Variants in AASS observed in about 807,000 individuals in gnomAD.
AASS encodes aminoadipate-semialdehyde synthase.
AASS carries 86 observed loss-of-function variants against 105.4 expected under a neutral mutation model. The observed-to-expected ratio is 0.82, with a 90% CI of 0.69 to 0.98. AASS has a LOEUF of 0.98. Ranked by LOEUF, AASS falls within the 50% of genes least tolerant of loss-of-function variation. AASS has a pLI of 0.00. For missense variants in AASS, 1,048 were observed against 1,143.2 expected, an observed-to-expected ratio of 0.92 and a Z score of 1.20; for synonymous variants, 381 against 394.8, an observed-to-expected ratio of 0.96 and a Z score of 0.41.
At chr7:122,142,617 A>G (rs1796455454) in intron 1 of AASS, among the ~76,000 whole-genome samples, 1 of 152,216 alleles carries the variant, frequency 6.6e-6, no homozygotes, top group Non-Finnish European at 1.5e-5. Context: ...ATGACACCTT[A>G]GATCAGATGA....
At chr7:122,097,104 A>G (rs1214376028) in intron 15 of AASS, among the ~76,000 whole-genome samples, 2 of 152,054 alleles carry the variant, frequency 1.3e-5, no homozygotes, top group Admixed American at 6.6e-5. Context: ...GTTAGCCTGT[A>G]TTTAAAGATA....
At position 122,098,872 on chromosome 7, in the gene AASS, T is replaced by TAAAAAAAAAAAA; in HGVS notation, c.1407-18_1407-7dup. 8.6e-7 allele frequency: 1 copy of TAAAAAAAAAAAA among 1,166,730 alleles called. No homozygotes were observed. The highest frequency in any genetic ancestry group is 4.1e-5 in the Admixed American group (1 of 24,460). 72.3% of individuals were successfully genotyped at this position (1,166,730 alleles called of 1,614,324 possible). On this transcript the variant is annotated splice_region_variant and splice_polypyrimidine_tract_variant and intron_variant, in intron 13 of 23. Transcript: ENST00000417368. ...AAAGTGACTGAGCACGTTCCCTATTTAAAAAAAAAAAAAAAAAAAAAAAAG... is the reference window on the plus strand; with the variant it reads ...AAAGTGACTGAGCACGTTCCCTATTTAAAAAAAAAAAAAAAAAAAAAAAAAAAAAAAAAAAAG...
intron 22 of AASS, among the ~76,000 whole-genome samples, chr7:122,078,380 A>G (rs995101947): frequency 4.0e-5 from 6 of 151,654 alleles, no homozygotes; most frequent in African/African-American, 1.5e-4. Context: ...TTGGGAGGCT[A>G]AGGTGGGCGG....
intron 11 of AASS, among the ~76,000 whole-genome samples, chr7:122,112,084 C>T (rs1794968734): frequency 6.6e-6 from 1 of 152,154 alleles, no homozygotes; most frequent in Non-Finnish European, 1.5e-5. Flanking sequence ...AATGCCTCAG[C>T]ACCAACTCCA....
At chr7:122,129,302 T>G in intron 3 of AASS, 59 bp downstream of exon 3, 4 of 1,213,168 alleles carry the variant, frequency 3.3e-6, no homozygotes, top group Non-Finnish European at 4.4e-6. Context: ...ATTTGGGGGT[T>G]AAAAGTAAAA....
Position 122,098,573 on chromosome 7 carries a change from G to A in AASS, c.1532C>T (p.Ser511Phe), listed in dbSNP as rs968626699. 6.2e-7 allele frequency: 1 copy of A among 1,607,330 alleles called. No individual in the cohort carries two copies. Among genetic ancestry groups the A allele is most frequent in the African/African-American group, 1.3e-5 (1 of 74,624 alleles). The change falls in exon 15 of 24, where the codon TCT becomes TTT. Residue 511 changes from serine (S) to phenylalanine (F), a missense_variant. Physicochemically the swap from Ser to Phe is radical, Grantham distance 155. Coordinates refer to ENST00000417368, the MANE Select transcript of AASS (RefSeq NM_005763.4). ...RDGNIEITVG[S>F]DMKNQIEQLG... Reference sequence around the variant, plus strand: ...CTGTTCAATTTGATTCTTCATGTCAGATCCTATTTCAGTAATTAAAAGTCA... The same window carrying A: ...CTGTTCAATTTGATTCTTCATGTCAAATCCTATTTCAGTAATTAAAAGTCA...
intron 18 of AASS, 143 bp from the exon 19 acceptor site, chr7:122,086,322 C>A: frequency 1.3e-6 from 1 of 797,000 alleles, no homozygotes; most frequent in Non-Finnish European, 2.0e-6. Context: ...TCATCCTATA[C>A]TTAAGCTGTT....
In AASS at chr7:122,108,165, A is replaced by G. The variant is rs375720173; in HGVS notation, c.1278+4953T>C. On this transcript the variant is annotated intron_variant, in intron 11 of 23. Transcript: ENST00000417368. ...AGGCGAATCGATAACAAGCAGCAAGATTGAATCAGTAATAAAAAGTCTCCC... is the reference window on the plus strand; with the variant it reads ...AGGCGAATCGATAACAAGCAGCAAGGTTGAATCAGTAATAAAAAGTCTCCC... Among the ~76,000 whole-genome samples the G allele has an allele frequency of 4.6e-5, 7 of 152,116 alleles. No homozygotes were observed. The East Asian group carries it at 1.3e-3, about 29-fold the overall frequency.
chr7:122,129,256 C>A (rs1795798457), intron 3 of AASS, 105 bp downstream of exon 3: 13 of 713,138 alleles, frequency 1.8e-5, no homozygotes. Flanking sequence ...TGCAATGTTT[C>A]TCTTAAACTA....
At chr7:122,122,114 A>T (rs1795465659) in intron 4 of AASS, among the ~76,000 whole-genome samples, 1 of 152,064 alleles carries the variant, frequency 6.6e-6, no homozygotes, top group South Asian at 2.1e-4. Context: ...TTTTAGCAAG[A>T]CAATTATGAT....
chr7:122,126,384 C>A lies in AASS; in HGVS notation c.463G>T (p.Gly155Cys). 7 of 1,613,848 alleles carry A rather than the reference C, an allele frequency of 4.3e-6. No individual in the cohort carries two copies. The highest frequency in any genetic ancestry group is 5.9e-6 in the Non-Finnish European group (7 of 1,179,820). The change falls in exon 4 of 24, where the codon GGT becomes TGT. Residue 155 changes from glycine to cysteine, a missense_variant. Coordinates refer to ENST00000417368, the MANE Select transcript of AASS (RefSeq NM_005763.4). ...GCCCTGGCATACTTACCTGCCACAC[C>A]AGCCCACTGTCCAAATGCCACTACC... Reference protein sequence around the residue: ...VRVVAFGQWAGVAGMINILHG... With the variant: ...VRVVAFGQWACVAGMINILHG...
chr7:122,133,684 T>C lies in AASS; in HGVS notation c.43A>G (p.Ser15Gly). Residue 15 changes from serine (S) to glycine (G), a missense_variant, in exon 2 of 24, where the codon AGC becomes GGC. By Grantham distance (56) the Ser-to-Gly change is moderately conservative (BLOSUM62 0). Coordinates refer to ENST00000417368, the MANE Select transcript of AASS (RefSeq NM_005763.4). Reference sequence around the variant, plus strand: ...TTGTGGTGAAGACCCTTGGAGAGGCTGACCCCCAGCCTGCCCAGTCCAGTC... The same window carrying C: ...TTGTGGTGAAGACCCTTGGAGAGGCCGACCCCCAGCCTGCCCAGTCCAGTC... ...HRTGLGRLGV[S>G]LSKGLHHKAV... 1 of 1,614,168 alleles carries C rather than the reference T, an allele frequency of 6.2e-7. No individual in the cohort carries two copies. Among genetic ancestry groups the C allele is most frequent in the Non-Finnish European group, 8.5e-7 (1 of 1,180,028 alleles).
In AASS at chr7:122,140,485, C is replaced by CAAAAAAAAAAAAAAAAAAAAAA. The variant is rs57828681; in HGVS notation, c.-16+3654_-16+3675dup. On this transcript the variant is annotated intron_variant, in intron 1 of 23. Coordinates refer to ENST00000417368, the MANE Select transcript of AASS (RefSeq NM_005763.4). Reference sequence around the variant, plus strand: ...TGGGCGACAGAGCGAGACTCAGTCTCAAAAAAAAAAAAAAAAAAAAAAAGA... The same window carrying CAAAAAAAAAAAAAAAAAAAAAA: ...TGGGCGACAGAGCGAGACTCAGTCTCAAAAAAAAAAAAAAAAAAAAAAAAAAAAAAAAAAAAAAAAAAAAAGA... Among the ~76,000 whole-genome samples the CAAAAAAAAAAAAAAAAAAAAAA allele has an allele frequency of 1.7e-3, 63 of 37,312 alleles. 3 individuals carry two copies. The highest frequency in any genetic ancestry group is 2.0e-3 in the Non-Finnish European group (43 of 21,170). The allele number at this position is 37,312 out of a possible 152,430, so 24.5% of individuals were successfully genotyped here. A position where few individuals can be genotyped will look rare whatever the true frequency, so the allele number is the denominator to read the frequency against.
At position 122,129,546 on chromosome 7, in the gene AASS, G is replaced by A. The variant is rs1347784090; in HGVS notation, c.211-9C>T. ...CCAGCTTTGACATAGTCCTGAAATT[G>A]TAATTATGATTAAAGGTTATTATCC... On this transcript the variant is annotated splice_polypyrimidine_tract_variant and intron_variant, in intron 2 of 23. Transcript: ENST00000417368. 1.2e-6 allele frequency: 2 copies of A among 1,611,628 alleles called. No individual in the cohort carries two copies. Among genetic ancestry groups the A allele is most frequent in the Non-Finnish European group, 1.7e-6 (2 of 1,178,470 alleles).
intron 6 of AASS, 148 bp from the exon 7 acceptor site, chr7:122,117,105 G>A: frequency 1.3e-6 from 1 of 742,614 alleles, no homozygotes; most frequent in Non-Finnish European, 2.3e-6. Flanking sequence ...ATACAGATGA[G>A]TTGCTTACAA....
At chr7:122,100,353 G>A (rs1794369254) in intron 13 of AASS, among the ~76,000 whole-genome samples, 1 of 151,806 alleles carries the variant, frequency 6.6e-6, no homozygotes, top group Admixed American at 6.6e-5. Context: ...AAACAGATGT[G>A]AAGTTTTACT....
At chr7:122,127,362 A>C (rs939995837) in intron 3 of AASS, among the ~76,000 whole-genome samples, 3 of 152,148 alleles carry the variant, frequency 2.0e-5, no homozygotes, top group Non-Finnish European at 4.4e-5. Context: ...AGATCATATA[A>C]TTTTTATTAT....
At chr7:122,116,489 C>T in intron 8 of AASS, 144 bp downstream of exon 8, 1 of 1,010,720 alleles carries the variant, frequency 9.9e-7, no homozygotes, top group Non-Finnish European at 1.5e-6. Context: ...AAGATGATAG[C>T]TCCAAAGGCC....
In AASS at chr7:122,106,163, G is replaced by A. The variant is rs138856176; in HGVS notation, c.1279-4483C>T. 2.0e-5 allele frequency among the ~76,000 whole-genome samples: 3 copies of A among 152,138 alleles called. No homozygotes were observed. The East Asian group carries it at 5.8e-4, about 29-fold the overall frequency. On this transcript the variant is annotated intron_variant, in intron 11 of 23. Transcript: ENST00000417368. ...TAGAATCATGTCATCTGCAAAAAGG[G>A]ATAATTTGACTTCCTCTCTTCCTAT...
Sources: allele counts gnomAD v4.1 joint callset (sites outside exome capture counted in the v4.1 genomes callset), GRCh38; gene constraint gnomAD v4.1.1; transcripts MANE v1.5; gene names NCBI Gene and HGNC (gene_info 2026-07-23, HGNC 2026-07-21).